ABCC8: variants seen among roughly 807,000 people sequenced by gnomAD.
The protein encoded by ABCC8 is ATP-binding cassette sub-family C member 8.
Under a neutral mutation model 188.0 loss-of-function variants are expected in ABCC8, and 137 were observed. The observed-to-expected ratio is 0.73, with a 90% CI of 0.63 to 0.84. ABCC8 has a LOEUF of 0.84. Ranked by LOEUF, ABCC8 falls within the 40% of genes least tolerant of loss-of-function variation. The probability of loss-of-function intolerance (pLI) is 0.00; values close to 1 mark genes in which losing one functional copy is unlikely to be tolerated. For missense variants in ABCC8, 1,750 were observed against 2,072.7 expected, an observed-to-expected ratio of 0.84 and a Z score of 3.02; for synonymous variants, 797 against 846.5, an observed-to-expected ratio of 0.94 and a Z score of 1.01.
chr11:17,395,739 G>T (rs1251969196), intron 34 of ABCC8, 21 bp from the exon 35 acceptor site: 1 of 1,552,728 alleles, frequency 6.4e-7, no homozygotes. Flanking sequence ...CCCAGTGAGG[G>T]TGCAGGGGAA....
intron 6 of ABCC8, among the ~76,000 whole-genome samples, chr11:17,459,323 T>C (rs1407019075): frequency 1.3e-5 from 2 of 152,208 alleles, no homozygotes; most frequent in Non-Finnish European, 2.9e-5. Context: ...GTTAATATTG[T>C]TAATCATCCT....
chr11:17,463,360 T>C (rs565371615), intron 4 of ABCC8, 78 bp downstream of exon 4: 406 of 1,223,550 alleles, frequency 3.3e-4, no homozygotes, highest in Non-Finnish European at 4.6e-4. Context: ...AGAAGCAGGG[T>C]GGGGGCCTGA....
At chr11:17,469,473 C>T (rs779015101) in intron 3 of ABCC8, among the ~76,000 whole-genome samples, 21 of 152,102 alleles carry the variant, frequency 1.4e-4, no homozygotes, top group Non-Finnish European at 2.5e-4. Context: ...CATGAAAGCC[C>T]AACTTGACAC....
At chr11:17,397,866 C>A in intron 30 of ABCC8, 69 bp from the exon 31 acceptor site, 2 of 1,584,860 alleles carry the variant, frequency 1.3e-6, no homozygotes, top group South Asian at 2.3e-5. Context: ...CTACCTCACT[C>A]CTTTTCGGGG....
intron 1 of ABCC8, among the ~76,000 whole-genome samples, chr11:17,476,032 A>G (rs987305476): frequency 3.9e-5 from 6 of 152,162 alleles, no homozygotes; most frequent in African/African-American, 1.4e-4. Context: ...CTGGAGACAC[A>G]TGCCCGGGTG....
At chr11:17,455,844 C>T (rs993492286) in intron 6 of ABCC8, among the ~76,000 whole-genome samples, 7 of 149,670 alleles carry the variant, frequency 4.7e-5, no homozygotes, top group African/African-American at 1.7e-4. Flanking sequence ...GAGGCTGGGC[C>T]AGGAGAATTG....
chr11:17,434,210 A>C (rs1020231109), intron 10 of ABCC8, among the ~76,000 whole-genome samples: 3 of 152,182 alleles, frequency 2.0e-5, no homozygotes, highest in Non-Finnish European at 4.4e-5. Context: ...ATAACCAATA[A>C]GGAGGGGTCC....
Position 17,395,610 on chromosome 11 carries a change from C to T in ABCC8, c.4307G>A (p.Arg1436Gln), listed in dbSNP as rs387906407. The change falls in exon 35 of 39, where the codon CGA becomes CAA. Residue 1436 changes from arginine to glutamine, a missense_variant and splice_region_variant. Coordinates refer to ENST00000389817, the MANE Select transcript of ABCC8 (RefSeq NM_000352.6). Reference protein sequence around the residue: ...QDPVLFSGTIRFNLDPERKCS... With the variant: ...QDPVLFSGTIQFNLDPERKCS... ...GGGCCTGAGGGGTGGTGGGGCTCAC[C>T]GGATGGTGCCGCTGAAGAGGACGGG... 7.7e-6 allele frequency: 12 copies of T among 1,550,058 alleles called. No individual in the cohort carries two copies. The highest frequency in any genetic ancestry group is 2.7e-5 in the African/African-American group (2 of 73,204).
At chr11:17,454,168 G>C (rs1956910859) in intron 6 of ABCC8, among the ~76,000 whole-genome samples, 1 of 152,142 alleles carries the variant, frequency 6.6e-6, no homozygotes, top group African/African-American at 2.4e-5. Flanking sequence ...ATGGAACAAA[G>C]TGATGAGAAG....
At chr11:17,445,512 A>G (rs1956489567) in intron 8 of ABCC8, among the ~76,000 whole-genome samples, 1 of 152,236 alleles carries the variant, frequency 6.6e-6, no homozygotes. Context: ...AGATTATGAA[A>G]CAAGAGCCCT....
intron 8 of ABCC8, among the ~76,000 whole-genome samples, chr11:17,445,756 G>A (rs1366216381): frequency 6.6e-6 from 1 of 151,858 alleles, no homozygotes; most frequent in Non-Finnish European, 1.5e-5. Flanking sequence ...CATGATAAAT[G>A]AGCAAAGGTA....
intron 35 of ABCC8, 99 bp from the exon 36 acceptor site, chr11:17,395,374 A>T: frequency 6.5e-7 from 1 of 1,543,400 alleles, no homozygotes; most frequent in Non-Finnish European, 8.7e-7. Flanking sequence ...ACTGAGTTGG[A>T]GGTCTGGCTG....
At chr11:17,444,272 GATGA>G (rs1400231394) in intron 8 of ABCC8, 1 of 152,254 alleles carries the variant, frequency 6.6e-6, no homozygotes, top group Non-Finnish European at 1.5e-5. Context: ...CCATGATAGA[GATGA>G]AGTACCCTCT....
intron 7 of ABCC8, 99 bp from the exon 8 acceptor site, chr11:17,448,770 A>T: frequency 6.2e-7 from 1 of 1,601,068 alleles, no homozygotes; most frequent in Non-Finnish European, 8.5e-7. Context: ...CTTCTCAGAC[A>T]GTCCCCATGG....
At chr11:17,472,986 T>G (rs1422163488) in intron 2 of ABCC8, among the ~76,000 whole-genome samples, 1 of 152,190 alleles carries the variant, frequency 6.6e-6, no homozygotes, top group African/African-American at 2.4e-5. Context: ...TCAAAACTCT[T>G]GCCTCTTTAC....
At chr11:17,451,554 A>T (rs1956817152) in intron 7 of ABCC8, among the ~76,000 whole-genome samples, 1 of 152,198 alleles carries the variant, frequency 6.6e-6, no homozygotes, top group African/African-American at 2.4e-5. Flanking sequence ...AGCCCAAGCT[A>T]TATCCTTGTC....
intron 28 of ABCC8, 33 bp from the exon 29 acceptor site, chr11:17,402,786 G>A: frequency 3.1e-6 from 5 of 1,613,758 alleles, no homozygotes; most frequent in Non-Finnish European, 3.4e-6. Flanking sequence ...ACAGTTAAGA[G>A]GGCAGGCTCA....
At chr11:17,393,934 C>T in intron 37 of ABCC8, 175 bp from the exon 38 acceptor site, 1 of 823,300 alleles carries the variant, frequency 1.2e-6, no homozygotes, top group African/African-American at 1.9e-5. Flanking sequence ...TGGACTCAGC[C>T]TGTTGGGAGC....
chr11:17,411,975 C>T (rs1564901100), intron 21 of ABCC8, among the ~76,000 whole-genome samples: 2 of 149,798 alleles, frequency 1.3e-5, no homozygotes, highest in Non-Finnish European at 2.9e-5. Flanking sequence ...TCGCTGCAAG[C>T]TCCGCCTCCC....
Sources: allele counts gnomAD v4.1 joint callset (sites outside exome capture counted in the v4.1 genomes callset), GRCh38; gene constraint gnomAD v4.1.1; transcripts MANE v1.5; gene names NCBI Gene and HGNC (gene_info 2026-07-23, HGNC 2026-07-21).